The following IL1RAPL1 variants were observed in gnomAD, a reference collection of about 807,000 sequenced individuals.
IL1RAPL1 encodes the protein interleukin 1 receptor accessory protein like 1.
In IL1RAPL1, 3 loss-of-function variants were observed where a neutral mutation model predicts 48.4. The observed-to-expected ratio is 0.06, with a 90% confidence interval of 0.03 to 0.16. IL1RAPL1 has a LOEUF of 0.16. IL1RAPL1 is among the 10% of genes least tolerant of loss of function. The pLI is 1.00. For missense variants in IL1RAPL1, 349 were observed against 530.6 expected (o/e 0.66, Z 3.36); for synonymous variants, 185 against 187.7 (o/e 0.99, Z 0.12).
intron 8 of IL1RAPL1, among the ~76,000 whole-genome samples, chrX:29,934,666 T>C (rs1484782356): frequency 9.9e-5 from 11 of 111,159 alleles, no homozygotes; most frequent in Non-Finnish European, 1.9e-4. Flanking sequence ...TACATATAGG[T>C]AGGTAAAAAG....
At chrX:29,156,457 C>A (rs1172643358) in intron 2 of IL1RAPL1, among the ~76,000 whole-genome samples, 2 of 112,045 alleles carry the variant, frequency 1.8e-5, no homozygotes, top group Non-Finnish European at 3.8e-5. Flanking sequence ...TGTCCTTCCT[C>A]CTTGAGAATA....
chrX:29,935,789 C>T (rs1488494172), intron 8 of IL1RAPL1, among the ~76,000 whole-genome samples: 1 of 111,496 alleles, frequency 9.0e-6, no homozygotes, highest in Non-Finnish European at 1.9e-5. Flanking sequence ...TAGCCAACAA[C>T]CATATTTGCA....
At chrX:28,774,841 C>T (rs1936346193) in intron 1 of IL1RAPL1, among the ~76,000 whole-genome samples, 1 of 111,731 alleles carries the variant, frequency 9.0e-6, no homozygotes, top group Non-Finnish European at 1.9e-5. Context: ...CCCTAGCCTT[C>T]CTCATCTCAG....
intron 1 of IL1RAPL1, among the ~76,000 whole-genome samples, chrX:28,747,174 A>G (rs974447103): frequency 1.3e-4 from 15 of 111,182 alleles, no homozygotes; most frequent in African/African-American, 3.9e-4. Context: ...GCTCCTATAC[A>G]TTGTTACCCC....
intron 1 of IL1RAPL1, among the ~76,000 whole-genome samples, chrX:28,729,982 T>A (rs2146946067): frequency 9.0e-6 from 1 of 111,619 alleles, no homozygotes; most frequent in Admixed American, 9.6e-5. Flanking sequence ...ACAAAAAAAA[T>A]TATGACTTGA....
chrX:29,911,695 G>A (rs1932757507), intron 6 of IL1RAPL1, among the ~76,000 whole-genome samples: 1 of 111,707 alleles, frequency 9.0e-6, no homozygotes, highest in African/African-American at 3.3e-5. Flanking sequence ...TATTTTAGTA[G>A]GAGAATATTT....
intron 3 of IL1RAPL1, among the ~76,000 whole-genome samples, chrX:29,355,615 G>A (rs1174341389): frequency 8.9e-6 from 1 of 111,865 alleles, no homozygotes; most frequent in East Asian, 2.8e-4. Flanking sequence ...GAGATAAACT[G>A]TTACGCTAAT....
At chrX:28,865,622 G>A (rs1251057988) in intron 2 of IL1RAPL1, among the ~76,000 whole-genome samples, 1 of 111,636 alleles carries the variant, frequency 9.0e-6, no homozygotes, top group Non-Finnish European at 1.9e-5. Context: ...AAAACCATGA[G>A]TCTGTATAAA....
At chrX:29,936,960 A>G (rs138179174) in intron 8 of IL1RAPL1, among the ~76,000 whole-genome samples, 1 of 112,053 alleles carries the variant, frequency 8.9e-6, no homozygotes, top group African/African-American at 3.2e-5. Flanking sequence ...CTACTGCAGC[A>G]ATAATCAATG....
rs748845588 is a variant in IL1RAPL1 at position 29,954,411 on chromosome X, T to G, written c.1202-111T>G. On this transcript the variant is annotated intron_variant, in intron 9 of 10. Transcript: ENST00000378993. The stretch of plus-strand genomic sequence containing the variant: ...TAATGAAGGCTTCATTTTTCGGTCT[T>G]TCAGAAATGGGACATTTGGAGACGT... 4.2e-5 allele frequency: 26 copies of G among 625,729 alleles called. No individual in the cohort carries two copies. The African/African-American group carries it at 4.9e-4, about 12-fold the overall frequency. The allele number at this position is 625,729 out of a possible 1,213,427, so 51.6% of individuals were successfully genotyped here.
intron 2 of IL1RAPL1, among the ~76,000 whole-genome samples, chrX:29,029,440 C>T (rs1169935841): frequency 9.0e-6 from 1 of 111,591 alleles, no homozygotes; most frequent in African/African-American, 3.3e-5. Context: ...TAAAACTGCC[C>T]TTCCTACTCT....
intron 2 of IL1RAPL1, among the ~76,000 whole-genome samples, chrX:29,101,152 A>G (rs1238222147): frequency 8.9e-6 from 1 of 112,082 alleles, no homozygotes; most frequent in Non-Finnish European, 1.9e-5. Flanking sequence ...TAAATAAAAT[A>G]AGAGATGAAA....
intron 2 of IL1RAPL1, among the ~76,000 whole-genome samples, chrX:28,942,746 A>G (rs1924196695): frequency 9.1e-6 from 1 of 109,893 alleles, no homozygotes. Context: ...GTTCTGTGCA[A>G]TCCCAGGGGA....
intron 1 of IL1RAPL1, among the ~76,000 whole-genome samples, chrX:28,770,837 T>C (rs1936299966): frequency 8.9e-6 from 1 of 112,318 alleles, no homozygotes; most frequent in South Asian, 3.7e-4. Flanking sequence ...TCAATGAGGA[T>C]ATTATATCAT....
At chrX:29,619,757 TAATAA>T (rs1453870626) in intron 5 of IL1RAPL1, among the ~76,000 whole-genome samples, 1 of 111,960 alleles carries the variant, frequency 8.9e-6, no homozygotes, top group Non-Finnish European at 1.9e-5. Context: ...TCAATGATCA[TAATAA>T]AATTTTAAAT....
intron 2 of IL1RAPL1, among the ~76,000 whole-genome samples, chrX:28,999,456 C>T (rs928359417): frequency 9.0e-6 from 1 of 111,660 alleles, no homozygotes; most frequent in African/African-American, 3.3e-5. Flanking sequence ...AGGCTCCAGG[C>T]ACTGTATGCT....
intron 5 of IL1RAPL1, among the ~76,000 whole-genome samples, chrX:29,506,427 CTCCTTCTCCTT>C (rs1935328417): frequency 4.7e-5 from 4 of 85,247 alleles, no homozygotes; most frequent in African/African-American, 1.7e-4. Context: ...TCTTCTTCTT[CTCCTTCTCCTT>C]CTCCTCCTCC....
chrX:29,371,975 T>C (rs1374638320), intron 3 of IL1RAPL1, among the ~76,000 whole-genome samples: 1 of 112,257 alleles, frequency 8.9e-6, no homozygotes, highest in Non-Finnish European at 1.9e-5. Context: ...GATTGCTGGA[T>C]TGAATGTTCT....
At chrX:29,929,262 A>T (rs1006053942) in intron 8 of IL1RAPL1, among the ~76,000 whole-genome samples, 1 of 109,220 alleles carries the variant, frequency 9.2e-6, no homozygotes, top group South Asian at 3.9e-4. Flanking sequence ...GAACTGTGAT[A>T]AAAAAAAATG....
Sources: gnomAD v4.1 joint callset for allele counts (sites outside exome capture counted in the v4.1 genomes callset) on GRCh38, gnomAD v4.1.1 for gene constraint, MANE v1.5 for transcripts, NCBI Gene and HGNC (gene_info 2026-07-23, HGNC 2026-07-21) for gene names.